Variants in PARP1 observed in about 807,000 individuals in gnomAD.
PARP1 encodes poly [ADP-ribose] polymerase 1.
A neutral mutation model predicts 118.7 loss-of-function variants in PARP1; 44 were observed. The observed-to-expected ratio is 0.37, with a 90% CI of 0.29 to 0.48. The LOEUF (loss-of-function observed/expected upper bound fraction) is 0.48, where lower values mean the gene tolerates loss of function less well. PARP1 is among the 20% of genes least tolerant of loss of function. PARP1 has a pLI of 0.99. For missense variants in PARP1, 1,100 were observed against 1,272.4 expected (o/e 0.86, Z 2.06); for synonymous variants, 492 against 483.2 (o/e 1.02, Z -0.24).
intron 21 of PARP1, among the ~76,000 whole-genome samples, 181 bp downstream of exon 21, chr1:226,362,918 A>C (rs974845809): frequency 9.2e-5 from 14 of 151,840 alleles, no homozygotes; most frequent in Admixed American, 5.2e-4. Context: ...GCAGCATATT[A>C]ACCACCACCA....
chr1:226,361,164 TAGG>T lies in PARP1; in HGVS notation c.*293_*295del. 2.2e-6 allele frequency: 1 copy of T among 451,826 alleles called. No homozygotes were observed. The highest frequency in any genetic ancestry group is 3.6e-5 in the East Asian group (1 of 27,694). 28.0% of individuals were successfully genotyped at this position (451,826 alleles called of 1,614,324 possible). On this transcript the variant is annotated 3_prime_UTR_variant, in exon 23 of 23. Transcript: ENST00000366794. ...TTCTAACGAAGCTTGGTTTTTTCCATAGGACTAGTCTATGCAACAGAATCTCTC... is the reference window on the plus strand; with the variant it reads ...TTCTAACGAAGCTTGGTTTTTTCCATACTAGTCTATGCAACAGAATCTCTC...
chr1:226,380,017 G>A lies in PARP1; in HGVS notation c.1448C>T (p.Ala483Val). The change falls in exon 10 of 23, where the codon GCA becomes GTA. Residue 483 changes from alanine to valine, a missense_variant. This residue lies in a region of PARP1 where 948 missense variants were observed against 1,031.8 expected (regional missense o/e 0.92). Coordinates refer to ENST00000366794, the MANE Select transcript of PARP1 (RefSeq NM_001618.4). Reference protein sequence around the residue: ...FLAHILSPWGAEVKAEPVEVV... With the variant: ...FLAHILSPWGVEVKAEPVEVV... ...TTCAACAGGCTCTGCCTTCACCTCTGCCCCCCAAGGGGACAAGATGTGCGC... is the reference window on the plus strand; with the variant it reads ...TTCAACAGGCTCTGCCTTCACCTCTACCCCCCAAGGGGACAAGATGTGCGC... The A allele has an allele frequency of 6.2e-7, 1 of 1,614,114 alleles. No homozygotes were observed.
chr1:226,363,977 A>G lies in PARP1; in HGVS notation c.2752T>C (p.Leu918=). 6.2e-7 allele frequency: 1 copy of G among 1,614,130 alleles called. No homozygotes were observed. Among genetic ancestry groups the G allele is most frequent in the Non-Finnish European group, 8.5e-7 (1 of 1,179,992 alleles). The change falls in exon 20 of 23, where the codon TTA becomes CTA. Residue 918 remains leucine (L), a synonymous_variant. Coordinates refer to ENST00000366794, the MANE Select transcript of PARP1 (RefSeq NM_001618.4). ...CHTSQGDPIG[L]ILLGEVALGN... is the part of the protein sequence containing the mutation. ...AGGGCAACTTCTCCCAACAGGATTA[A>G]GCCTATTGGGTCTCCCTGAGACGTA...
intron 2 of PARP1, among the ~76,000 whole-genome samples, chr1:226,397,543 G>A (rs563607054): frequency 5.3e-5 from 8 of 152,282 alleles, no homozygotes; most frequent in African/African-American, 1.9e-4. Context: ...TGTTGGAGGT[G>A]GGGCCTGGTG....
chr1:226,377,410 C>T, intron 12 of PARP1, 107 bp from the exon 13 acceptor site: 1 of 809,052 alleles, frequency 1.2e-6, no homozygotes, highest in Non-Finnish European at 2.2e-6. Context: ...ATTTTACACA[C>T]CCCAAAAGGA....
intron 14 of PARP1, 68 bp from the exon 15 acceptor site, chr1:226,370,585 C>G: frequency 7.7e-7 from 1 of 1,304,938 alleles, no homozygotes; most frequent in Non-Finnish European, 1.1e-6. Flanking sequence ...AGAGCTGGAC[C>G]GGGCAGCCCA....
intron 4 of PARP1, among the ~76,000 whole-genome samples, chr1:226,389,540 A>G (rs114325399): frequency 3.2e-4 from 48 of 152,338 alleles, no homozygotes; most frequent in African/African-American, 1.1e-3. Context: ...AGTGTCTGGC[A>G]TACGAAATGT....
chr1:226,362,187 T>TG lies in PARP1; in HGVS notation c.2849-105_2849-104insC. 3 of 666,894 alleles carry TG rather than the reference T, an allele frequency of 4.5e-6. No individual in the cohort carries two copies. The East Asian group carries it at 8.5e-5, about 19-fold the overall frequency. 41.3% of individuals were successfully genotyped at this position (666,894 alleles called of 1,614,324 possible). A position where few individuals can be genotyped will look rare whatever the true frequency, so the allele number is the denominator to read the frequency against. On this transcript the variant is annotated intron_variant, in intron 21 of 22. Coordinates refer to ENST00000366794, the MANE Select transcript of PARP1 (RefSeq NM_001618.4). Reference sequence around the variant, plus strand: ...ATGTTGGGTCCATGTGGTCTTTCTTTTTTTTTTTTTTCCTTTTTGAGATGG... The same window carrying TG: ...ATGTTGGGTCCATGTGGTCTTTCTTTGTTTTTTTTTTTCCTTTTTGAGATGG...
In PARP1 at chr1:226,368,298, G is replaced by A. The variant is rs1298705107; in HGVS notation, c.2178C>T (p.Asp726=). The A allele has an allele frequency of 6.2e-7, 1 of 1,614,236 alleles. No individual in the cohort carries two copies. Among genetic ancestry groups the A allele is most frequent in the Non-Finnish European group, 8.5e-7 (1 of 1,180,032 alleles). Reference sequence around the variant, plus strand: ...GATTTGAGAGATCCAGGATCTGAGAGTCGCTGCTGCCCTGAGACACCGCCT... The same window carrying A: ...GATTTGAGAGATCCAGGATCTGAGAATCGCTGCTGCCCTGAGACACCGCCT... ...VQQAVSQGSS[D]SQILDLSNRF... The change falls in exon 16 of 23, where the codon GAC becomes GAT. Residue 726 remains aspartate (D), a synonymous_variant. Transcript: ENST00000366794.
chr1:226,400,023 T>TCCAACA, intron 2 of PARP1, among the ~76,000 whole-genome samples: 1 of 151,594 alleles, frequency 6.6e-6, no homozygotes, highest in Admixed American at 6.6e-5. Flanking sequence ...GAAAAAAGTT[T>TCCAACA]ACATATAAAA....
At position 226,407,803 on chromosome 1, in the gene PARP1, C is replaced by A; in HGVS notation, c.120+7G>T. On this transcript the variant is annotated splice_region_variant and intron_variant, in intron 1 of 22. Coordinates refer to ENST00000366794, the MANE Select transcript of PARP1 (RefSeq NM_001618.4). ...CCCCGCCCCGCCGCCCGCACAGCGG[C>A]CCGCACCTGCACCATGATGGCCATC... is the stretch of plus-strand genomic sequence containing the variant. 5 of 1,561,194 alleles carry A rather than the reference C, an allele frequency of 3.2e-6. No individual in the cohort carries two copies. Among genetic ancestry groups the A allele is most frequent in the Non-Finnish European group, 4.3e-6 (5 of 1,153,002 alleles).
chr1:226,402,929 GA>G (rs963736702), intron 1 of PARP1, among the ~76,000 whole-genome samples: 2 of 152,226 alleles, frequency 1.3e-5, no homozygotes, highest in Admixed American at 6.5e-5. Context: ...AAGTGTGTCA[GA>G]AAAAAGTGTC....
chr1:226,397,884 C>T (rs1052433810), intron 2 of PARP1, among the ~76,000 whole-genome samples: 2 of 138,396 alleles, frequency 1.4e-5, no homozygotes, highest in Admixed American at 1.5e-4. Context: ...TGATCTTTGA[C>T]AAAAAAGTAA....
In PARP1 at chr1:226,370,525, G is replaced by C. The variant is rs1249461115; in HGVS notation, c.2071-8C>G. 1 of 1,611,166 alleles carries C rather than the reference G, an allele frequency of 6.2e-7. No individual in the cohort carries two copies. The highest frequency in any genetic ancestry group is 1.1e-5 in the South Asian group (1 of 91,040). Reference sequence around the variant, plus strand: ...CATCTTCTGAAGGTCGATCTGAGGAGACAGGGGATTTCGCTCTGAAAGCTG... The same window carrying C: ...CATCTTCTGAAGGTCGATCTGAGGACACAGGGGATTTCGCTCTGAAAGCTG... On this transcript the variant is annotated splice_region_variant and splice_polypyrimidine_tract_variant and intron_variant, in intron 14 of 22. Transcript: ENST00000366794.
Position 226,365,154 on chromosome 1 carries a change from T to C in PARP1, c.2506A>G (p.Ile836Val). 6.2e-7 allele frequency: 1 copy of C among 1,614,138 alleles called. No individual in the cohort carries two copies. Among genetic ancestry groups the C allele is most frequent in the Non-Finnish European group, 8.5e-7 (1 of 1,180,036 alleles). The change falls in exon 19 of 23, where the codon ATC (isoleucine) becomes GTC (valine). Residue 836 changes from isoleucine (I) to valine (V), a missense_variant and splice_region_variant. Coordinates refer to ENST00000366794, the MANE Select transcript of PARP1 (RefSeq NM_001618.4). Reference protein sequence around the residue: ...HNAYDLEVIDIFKIEREGECQ... With the variant: ...HNAYDLEVIDVFKIEREGECQ... ...TCGCCTTCACGCTCTATCTTAAAGA[T>C]CTGGTTGGAGTAGTAAACAAAGGGA...
chr1:226,388,056 C>T (rs547187707), intron 5 of PARP1, among the ~76,000 whole-genome samples: 2 of 152,304 alleles, frequency 1.3e-5, no homozygotes, highest in Admixed American at 6.5e-5. Context: ...CCTCAATTTC[C>T]CAGACATCCA....
rs1333776940 is a variant in PARP1 at position 226,397,961 on chromosome 1, G to GA, written c.286+4252dup. 8.7e-3 allele frequency among the ~76,000 whole-genome samples: 1,057 copies of GA among 121,920 alleles called. 16 individuals carry two copies. Among genetic ancestry groups the GA allele is most frequent in the African/African-American group, 0.027 (908 of 33,454 alleles). 80.0% of individuals were successfully genotyped at this position (121,920 alleles called of 152,430 possible). ...CTGTAACAACTGGACATCCACATGC[G>GA]AAAAAAAAAAAAGAAAAAAAATAAA... On this transcript the variant is annotated intron_variant, in intron 2 of 22. Coordinates refer to ENST00000366794, the MANE Select transcript of PARP1 (RefSeq NM_001618.4).
chr1:226,385,683 G>GA lies in PARP1; in HGVS notation c.835-4_835-3insT. 1.2e-6 allele frequency: 2 copies of GA among 1,613,944 alleles called. No individual in the cohort carries two copies. Among genetic ancestry groups the GA allele is most frequent in the Non-Finnish European group, 1.7e-6 (2 of 1,179,822 alleles). ...CCATCAGCTACTCGGTCCAAGATCT[G>GA]CAGCCAGTGGAGAAACATGTCAGAG... On this transcript the variant is annotated splice_region_variant and splice_polypyrimidine_tract_variant and intron_variant, in intron 6 of 22. Transcript: ENST00000366794.
chr1:226,372,742 G>T (rs1664412806), intron 14 of PARP1, among the ~76,000 whole-genome samples: 3 of 152,180 alleles, frequency 2.0e-5, no homozygotes, highest in Admixed American at 2.0e-4. Context: ...AAGGACTTGG[G>T]TTTGAGAATA....
Sources: allele counts gnomAD v4.1 joint callset (sites outside exome capture counted in the v4.1 genomes callset), GRCh38; gene constraint gnomAD v4.1.1; regional missense constraint gnomAD v4.1.1; transcripts MANE v1.5; gene names NCBI Gene and HGNC (gene_info 2026-07-23, HGNC 2026-07-21).